PDZRN4: variants seen among roughly 807,000 people sequenced by gnomAD.
PDZRN4 encodes PDZ domain containing ring finger 4, also known as PDZ domain-containing RING finger protein 4.
Under a neutral mutation model 99.0 loss-of-function variants are expected in PDZRN4, and 70 were observed. The observed-to-expected ratio is 0.71, with a 90% CI of 0.58 to 0.86. The LOEUF (loss-of-function observed/expected upper bound fraction) is 0.86. Among genes scored for constraint, PDZRN4 ranks in the 40% least tolerant of loss-of-function variants. The probability of loss-of-function intolerance (pLI) is 0.00; values close to 1 mark genes in which losing one functional copy is unlikely to be tolerated. For missense variants in PDZRN4, 1,474 were observed against 1,331.2 expected, an observed-to-expected ratio of 1.11 and a Z score of -1.67; for synonymous variants, 551 against 501.6, an observed-to-expected ratio of 1.10 and a Z score of -1.32.
chr12:41,567,836 C>T lies in PDZRN4; in HGVS notation c.1521C>T (p.Asn507=), dbSNP rs755776914. The T allele has an allele frequency of 3.1e-6, 5 of 1,613,364 alleles. No homozygotes were observed. The highest frequency in any genetic ancestry group is 4.2e-6 in the Non-Finnish European group (5 of 1,179,720). ...GGAATGAATTCTTAGAGGAGTTAAACTTGGAGATGTTGGAAGAAGAGCATA... is the reference window on the plus strand; with the variant it reads ...GGAATGAATTCTTAGAGGAGTTAAATTTGGAGATGTTGGAAGAAGAGCATA... ...DERNEFLEEL[N]LEMLEEEHNE... Residue 507 remains asparagine, a synonymous_variant, in exon 9 of 10, where the codon AAC becomes AAT. Coordinates refer to ENST00000402685, the MANE Select transcript of PDZRN4 (RefSeq NM_001164595.2).
At chr12:41,325,755 A>T (rs972838509) in intron 3 of PDZRN4, among the ~76,000 whole-genome samples, 1 of 150,278 alleles carries the variant, frequency 6.7e-6, no homozygotes, top group Non-Finnish European at 1.5e-5. Context: ...CAGAGTGATT[A>T]AAAAACACAT....
chr12:41,485,577 C>A (rs559892775), intron 3 of PDZRN4, among the ~76,000 whole-genome samples: 1 of 152,028 alleles, frequency 6.6e-6, no homozygotes, highest in East Asian at 1.9e-4. Flanking sequence ...CTTCCGAGTC[C>A]TGCTCTGTTT....
In PDZRN4 at chr12:41,217,526, G is replaced by T. The variant is rs1319014244; in HGVS notation, c.843+23338G>T. Among the ~76,000 whole-genome samples, 3 of 152,162 alleles carry T rather than the reference G, an allele frequency of 2.0e-5. No homozygotes were observed. The South Asian group carries it at 6.2e-4, about 32-fold the overall frequency. On this transcript the variant is annotated intron_variant, in intron 3 of 9. Transcript: ENST00000402685. ...GAGAAAAAAAATAGCAGGTTTCAGAGATCCAATTAGATAGTAATGCCAAAT... is the reference window on the plus strand; with the variant it reads ...GAGAAAAAAAATAGCAGGTTTCAGATATCCAATTAGATAGTAATGCCAAAT...
intron 3 of PDZRN4, among the ~76,000 whole-genome samples, chr12:41,443,373 A>G (rs1290248799): frequency 2.6e-5 from 4 of 152,120 alleles, no homozygotes; most frequent in South Asian, 4.1e-4. Flanking sequence ...GTAGATGTCA[A>G]TGGATTGGGA....
At chr12:41,364,493 A>G (rs1267904974) in intron 3 of PDZRN4, among the ~76,000 whole-genome samples, 2 of 152,122 alleles carry the variant, frequency 1.3e-5, no homozygotes, top group Non-Finnish European at 1.5e-5. Context: ...CATTTATTCA[A>G]CTAGTAAGAG....
At chr12:41,385,180 A>G (rs1902910) in intron 3 of PDZRN4, among the ~76,000 whole-genome samples, 24,397 of 152,216 alleles carry the variant, frequency 0.16, 2,106 homozygotes, top group South Asian at 0.26. Context: ...TACCTTAAAG[A>G]AAAACAAAGC....
intron 3 of PDZRN4, among the ~76,000 whole-genome samples, chr12:41,368,613 T>G (rs1336339272): frequency 6.6e-6 from 1 of 152,126 alleles, no homozygotes; most frequent in Non-Finnish European, 1.5e-5. Context: ...CAGTCTAGTC[T>G]TCCCCGTTTT....
intron 3 of PDZRN4, among the ~76,000 whole-genome samples, chr12:41,494,040 G>A (rs1464817440): frequency 1.1e-5 from 1 of 93,010 alleles, no homozygotes; most frequent in Non-Finnish European, 2.0e-5. Context: ...TCCTGTCACA[G>A]AAACATTTTT....
chr12:41,508,308 C>T (rs1041476014), intron 4 of PDZRN4, among the ~76,000 whole-genome samples: 1 of 152,118 alleles, frequency 6.6e-6, no homozygotes, highest in African/African-American at 2.4e-5. Context: ...TAGAGACAAC[C>T]TCCTCTAGAA....
chr12:41,492,477 C>G (rs868019084), intron 3 of PDZRN4, among the ~76,000 whole-genome samples: 1 of 152,098 alleles, frequency 6.6e-6, no homozygotes, highest in Non-Finnish European at 1.5e-5. Flanking sequence ...AAAGTAAAAG[C>G]CATCATGTTG....
In PDZRN4 at chr12:41,572,869, G is replaced by C. The variant is rs758004691; in HGVS notation, c.2090G>C (p.Gly697Ala). ...HRLQKVTDQY[G>A]DIWTLHDGGF... ...CTCCAGAAAGTGACAGACCAGTATGGAGACATCTGGACATTGCATGATGGA... is the reference window on the plus strand; with the variant it reads ...CTCCAGAAAGTGACAGACCAGTATGCAGACATCTGGACATTGCATGATGGA... Residue 697 changes from glycine (G) to alanine (A), a missense_variant, in exon 10 of 10, where the codon GGA (glycine) becomes GCA (alanine). Coordinates refer to ENST00000402685, the MANE Select transcript of PDZRN4 (RefSeq NM_001164595.2). 5 of 1,614,118 alleles carry C rather than the reference G, an allele frequency of 3.1e-6. No individual in the cohort carries two copies. The highest frequency in any genetic ancestry group is 8.5e-7 in the Non-Finnish European group (1 of 1,180,000).
intron 3 of PDZRN4, among the ~76,000 whole-genome samples, chr12:41,472,742 T>C (rs1448973339): frequency 2.6e-5 from 4 of 152,198 alleles, no homozygotes; most frequent in Non-Finnish European, 4.4e-5. Context: ...TATGAGATGG[T>C]AGTAATACCA....
chr12:41,438,870 C>T (rs924117004), intron 3 of PDZRN4, among the ~76,000 whole-genome samples: 1 of 152,214 alleles, frequency 6.6e-6, no homozygotes, highest in South Asian at 2.1e-4. Context: ...TTTCTCCCTT[C>T]TTCCAGTTTG....
chr12:41,546,856 G>C (rs1270977560), intron 5 of PDZRN4, among the ~76,000 whole-genome samples: 1 of 152,104 alleles, frequency 6.6e-6, no homozygotes, highest in African/African-American at 2.4e-5. Context: ...TTTAAAATAA[G>C]GCAACTATGA....
At chr12:41,286,333 CTTCTTT>C (rs1445878202) in intron 3 of PDZRN4, among the ~76,000 whole-genome samples, 2 of 99,120 alleles carry the variant, frequency 2.0e-5, no homozygotes, top group Non-Finnish European at 4.0e-5. Context: ...TTTCCTTCTT[CTTCTTT>C]TTTTTTTTTT....
intron 4 of PDZRN4, chr12:41,509,445 C>T (rs1420977081): frequency 6.4e-6 from 1 of 156,304 alleles, no homozygotes; most frequent in African/African-American, 2.4e-5. Flanking sequence ...TTTGAGTAGA[C>T]TGCAATCTCA....
chr12:41,311,966 G>A (rs768852099), intron 3 of PDZRN4, among the ~76,000 whole-genome samples: 2 of 151,990 alleles, frequency 1.3e-5, no homozygotes, highest in Non-Finnish European at 2.9e-5. Context: ...AACGTTCATC[G>A]CTGCCAGTGA....
chr12:41,434,597 C>A (rs1489441815), intron 3 of PDZRN4, among the ~76,000 whole-genome samples: 4 of 152,190 alleles, frequency 2.6e-5, no homozygotes, highest in Non-Finnish European at 5.9e-5. Flanking sequence ...TCCTTCCTTT[C>A]ACTTGCCAGT....
intron 3 of PDZRN4, among the ~76,000 whole-genome samples, chr12:41,502,895 GA>G (rs140262454): frequency 1.3e-5 from 2 of 151,764 alleles, no homozygotes; most frequent in East Asian, 1.9e-4. Context: ...CTAATCACTT[GA>G]AAAAAAAGGA....
Sources: gnomAD v4.1 joint callset for allele counts (sites outside exome capture counted in the v4.1 genomes callset) on GRCh38, gnomAD v4.1.1 for gene constraint, MANE v1.5 for transcripts, NCBI Gene and HGNC (gene_info 2026-07-23, HGNC 2026-07-21) for gene names.